CSMD1: variants seen among roughly 807,000 people sequenced by gnomAD.
CSMD1 encodes the protein CUB and Sushi multiple domains 1.
CSMD1 carries 213 observed loss-of-function variants against 417.5 expected under a neutral mutation model. That is an observed-to-expected ratio of 0.51 (90% CI 0.46 to 0.57). The LOEUF is 0.57. Ranked by LOEUF, CSMD1 falls within the 20% of genes least tolerant of loss-of-function variation. The probability of loss-of-function intolerance (pLI) is 0.00; values close to 1 mark genes in which losing one functional copy is unlikely to be tolerated. For missense variants in CSMD1, 6,923 were observed against 4,529.7 expected, an observed-to-expected ratio of 1.53 and a Z score of -15.17; for synonymous variants, 2,862 against 1,736.8, an observed-to-expected ratio of 1.65 and a Z score of -16.11.
At chr8:3,625,258 C>T (rs1317860917) in intron 7 of CSMD1, among the ~76,000 whole-genome samples, 1 of 152,118 alleles carries the variant, frequency 6.6e-6, no homozygotes, top group Non-Finnish European at 1.5e-5. Context: ...ATGAATAGTT[C>T]ACATAGAAGT....
At chr8:4,201,489 C>G (rs766487259) in intron 3 of CSMD1, among the ~76,000 whole-genome samples, 3 of 117,492 alleles carry the variant, frequency 2.6e-5, no homozygotes, top group Non-Finnish European at 3.2e-5. Context: ...AGTGAGCCGA[C>G]ATAGCGCCAC....
intron 3 of CSMD1, among the ~76,000 whole-genome samples, chr8:4,294,283 G>C (rs1300548402): frequency 6.6e-6 from 1 of 152,120 alleles, no homozygotes; most frequent in East Asian, 1.9e-4. Context: ...ATGAATAAAG[G>C]CTTCGGTGCT....
chr8:4,697,655 T>G (rs2725010), intron 1 of CSMD1, among the ~76,000 whole-genome samples: 104,224 of 151,954 alleles, frequency 0.69, 36,507 homozygotes, highest in African/African-American at 0.83. Flanking sequence ...TGATATTAGT[T>G]GCTGGTTACA....
intron 1 of CSMD1, among the ~76,000 whole-genome samples, chr8:4,974,859 T>C (rs772960064): frequency 2.0e-5 from 3 of 152,178 alleles, no homozygotes; most frequent in Non-Finnish European, 4.4e-5. Flanking sequence ...GCATTATAAC[T>C]ATGTTGCAAC....
chr8:3,038,882 T>G (rs77922526), intron 50 of CSMD1, among the ~76,000 whole-genome samples: 2 of 152,142 alleles, frequency 1.3e-5, no homozygotes, highest in East Asian at 1.9e-4. Flanking sequence ...CAGAGCCACA[T>G]AGAGGCTTAA....
intron 10 of CSMD1, among the ~76,000 whole-genome samples, chr8:3,516,220 C>A (rs1797276040): frequency 6.6e-6 from 1 of 152,200 alleles, no homozygotes; most frequent in South Asian, 2.1e-4. Context: ...TGGAAAGGGA[C>A]ATTCTGCAGC....
chr8:4,937,294 C>T (rs540463927), intron 1 of CSMD1, among the ~76,000 whole-genome samples: 3 of 152,186 alleles, frequency 2.0e-5, no homozygotes, highest in Admixed American at 6.5e-5. Context: ...CTGGGGGATA[C>T]CATATTCATG....
At position 4,006,216 on chromosome 8, in the gene CSMD1, G is replaced by A. The variant is rs1377292165; in HGVS notation, c.611-8106C>T. 2.0e-5 allele frequency among the ~76,000 whole-genome samples: 3 copies of A among 152,116 alleles called. No homozygotes were observed. The East Asian group carries it at 5.8e-4, about 29-fold the overall frequency. ...TGCAGTTGCTGAGAATTCCGGGACA[G>A]AAATATATTGACTTTGTGCGCAGGA... On this transcript the variant is annotated intron_variant, in intron 4 of 69. Transcript: ENST00000635120.
chr8:3,828,054 A>G (rs1206716625), intron 5 of CSMD1, among the ~76,000 whole-genome samples: 3 of 152,340 alleles, frequency 2.0e-5, no homozygotes, highest in Admixed American at 1.3e-4. Flanking sequence ...CTCCACTTCA[A>G]TGAGCAAAAA....
intron 58 of CSMD1, 26 bp from the exon 59 acceptor site, chr8:2,965,980 T>C: frequency 3.9e-6 from 6 of 1,557,918 alleles, no homozygotes; most frequent in Non-Finnish European, 5.2e-6. Context: ...CAGGAAAGAA[T>C]CAGAGAAATT....
intron 21 of CSMD1, among the ~76,000 whole-genome samples, chr8:3,349,941 A>G (rs1217493441): frequency 7.0e-6 from 1 of 142,782 alleles, no homozygotes; most frequent in Non-Finnish European, 1.5e-5. Flanking sequence ...TATAATATAT[A>G]TTATATGTGT....
rs77523694 is a variant in CSMD1 at position 4,225,834 on chromosome 8, T to G, written c.416-193735A>C. On this transcript the variant is annotated intron_variant, in intron 3 of 69. Transcript: ENST00000635120. ...CATTCTTAGATGTAAAGTGGCACAA[T>G]ATGATCAGCCTAAATGAAAGTTTTA... 2.5e-3 allele frequency among the ~76,000 whole-genome samples: 384 copies of G among 152,296 alleles called. 4 individuals carry two copies. Among genetic ancestry groups the G allele is most frequent in the African/African-American group, 8.6e-3 (358 of 41,572 alleles).
intron 12 of CSMD1, among the ~76,000 whole-genome samples, chr8:3,438,204 T>G (rs1814700245): frequency 6.6e-6 from 1 of 152,204 alleles, no homozygotes; most frequent in African/African-American, 2.4e-5. Flanking sequence ...TATAGATCCA[T>G]ATGCAGTTGT....
At chr8:3,684,024 C>G (rs1016022392) in intron 7 of CSMD1, among the ~76,000 whole-genome samples, 26 of 150,382 alleles carry the variant, frequency 1.7e-4, no homozygotes, top group African/African-American at 6.1e-4. Flanking sequence ...TGGACTAACA[C>G]CAAAGAGACA....
chr8:2,945,651 T>G (rs750016714), intron 68 of CSMD1, among the ~76,000 whole-genome samples: 7 of 152,154 alleles, frequency 4.6e-5, no homozygotes, highest in Admixed American at 1.3e-4. Context: ...GTCTTCACAA[T>G]AACACATGGA....
chr8:3,018,351 G>T, intron 52 of CSMD1, 126 bp downstream of exon 52: 1 of 781,388 alleles, frequency 1.3e-6, no homozygotes, highest in Non-Finnish European at 2.0e-6. Context: ...ACACTGGGAG[G>T]TGCAGCATTT....
chr8:4,361,219 A>G (rs1408417951), intron 3 of CSMD1, among the ~76,000 whole-genome samples: 1 of 152,188 alleles, frequency 6.6e-6, no homozygotes, highest in Non-Finnish European at 1.5e-5. Flanking sequence ...TTTCAGTGGA[A>G]TACCTAAGTT....
intron 2 of CSMD1, among the ~76,000 whole-genome samples, chr8:4,549,265 T>G (rs747541356): frequency 7.2e-5 from 11 of 152,072 alleles, no homozygotes; most frequent in Non-Finnish European, 1.2e-4. Context: ...AAAGAAATTA[T>G]AACGGAAGAC....
chr8:3,864,358 G>GA (rs199837584), intron 5 of CSMD1, among the ~76,000 whole-genome samples: 1 of 111,626 alleles, frequency 9.0e-6, no homozygotes, highest in East Asian at 2.4e-4. Context: ...GATAACCACA[G>GA]AAGGGGCAGG....
Sources: allele counts gnomAD v4.1 joint callset (sites outside exome capture counted in the v4.1 genomes callset), GRCh38; gene constraint gnomAD v4.1.1; transcripts MANE v1.5; gene names NCBI Gene and HGNC (gene_info 2026-07-23, HGNC 2026-07-21).